ADAMTS12: variants seen among roughly 807,000 people sequenced by gnomAD.
ADAMTS12 encodes the protein A disintegrin and metalloproteinase with thrombospondin motifs 12.
In ADAMTS12, 118 loss-of-function variants were observed where a neutral mutation model predicts 167.8. That is an observed-to-expected ratio of 0.70 (90% CI 0.61 to 0.82). The LOEUF (loss-of-function observed/expected upper bound fraction) is 0.82, where lower values mean the gene tolerates loss of function less well. ADAMTS12 is among the 40% of genes least tolerant of loss of function. The probability of loss-of-function intolerance (pLI) is 0.00; values close to 1 mark genes in which losing one functional copy is unlikely to be tolerated. For missense variants in ADAMTS12, 1,916 were observed against 1,998.8 expected, an observed-to-expected ratio of 0.96 and a Z score of 0.79; for synonymous variants, 704 against 716.9, an observed-to-expected ratio of 0.98 and a Z score of 0.29.
intron 2 of ADAMTS12, among the ~76,000 whole-genome samples, chr5:33,784,250 ATAGT>A (rs1746251593): frequency 6.6e-6 from 1 of 151,894 alleles, no homozygotes; most frequent in Non-Finnish European, 1.5e-5. Context: ...AGCTAACCTC[ATAGT>A]TAATGATAAA....
At chr5:33,549,513 G>T in intron 20 of ADAMTS12, 130 bp from the exon 21 acceptor site, 1 of 1,109,964 alleles carries the variant, frequency 9.0e-7, no homozygotes. Context: ...GGTGAACCCT[G>T]CTTTCCCTCC....
intron 19 of ADAMTS12, among the ~76,000 whole-genome samples, chr5:33,566,155 T>A (rs1197468972): frequency 6.6e-6 from 1 of 152,140 alleles, no homozygotes; most frequent in Non-Finnish European, 1.5e-5. Context: ...TCAATGACAG[T>A]CAGTTCAAAT....
chr5:33,769,340 A>G (rs1745659110), intron 2 of ADAMTS12, among the ~76,000 whole-genome samples: 1 of 152,212 alleles, frequency 6.6e-6, no homozygotes, highest in Admixed American at 6.5e-5. Flanking sequence ...GCATGGTTAC[A>G]TACATCAAGT....
chr5:33,629,631 C>T (rs1264710242), intron 13 of ADAMTS12, among the ~76,000 whole-genome samples: 1 of 152,236 alleles, frequency 6.6e-6, no homozygotes, highest in African/African-American at 2.4e-5. Flanking sequence ...CACAACCTTA[C>T]ACAAAGAATA....
In ADAMTS12 at chr5:33,708,049, T is replaced by C. The variant is rs531203624; in HGVS notation, c.635-23994A>G. Among the ~76,000 whole-genome samples the C allele has an allele frequency of 4.0e-3, 612 of 152,266 alleles. 3 individuals are homozygous for C. The highest frequency in any genetic ancestry group is 0.014 in the African/African-American group (584 of 41,560). On this transcript the variant is annotated intron_variant, in intron 3 of 23. Coordinates refer to ENST00000504830, the MANE Select transcript of ADAMTS12 (RefSeq NM_030955.4). ...AGAAAATTTTTGCAATCTATCCATC[T>C]GACAAAGGGCTAATATCCAGAATCT...
chr5:33,798,057 T>G (rs988785496), intron 2 of ADAMTS12, among the ~76,000 whole-genome samples: 2 of 152,352 alleles, frequency 1.3e-5, no homozygotes, highest in South Asian at 4.1e-4. Flanking sequence ...TTCAAAGAAC[T>G]GACTATCCTT....
chr5:33,738,543 TG>T lies in ADAMTS12; in HGVS notation c.634+12860del, dbSNP rs1744447603. 7.2e-5 allele frequency among the ~76,000 whole-genome samples: 11 copies of T among 152,360 alleles called. 1 individual carries two copies. The South Asian group carries it at 2.3e-3, about 32-fold the overall frequency. ...CTTTCGGCTTTCACCTCTCATGTCA[TG>T]GGTCACCTGCCCTATCCTTTGGTTA... On this transcript the variant is annotated intron_variant, in intron 3 of 23. Transcript: ENST00000504830.
chr5:33,650,180 C>T (rs370020716), intron 7 of ADAMTS12, among the ~76,000 whole-genome samples: 3 of 152,186 alleles, frequency 2.0e-5, no homozygotes, highest in South Asian at 4.1e-4. Flanking sequence ...GGATCAATGT[C>T]TTTCTACTAT....
In ADAMTS12 at chr5:33,596,026, C is replaced by T; in HGVS notation, c.2562G>A (p.Lys854=). ...ATGTAGCTTTCACCATCCCGCGGCC[C>T]TTCTTTATGCAATGGGCAGTTTGGC... The part of the protein sequence containing the change: ...IRRQTAHCIK[K]GRGMVKATFC... Residue 854 remains lysine, a synonymous_variant, in exon 17 of 24, where the codon AAG becomes AAA. Transcript: ENST00000504830. 6.2e-7 allele frequency: 1 copy of T among 1,614,028 alleles called. No individual in the cohort carries two copies. Among genetic ancestry groups the T allele is most frequent in the Non-Finnish European group, 8.5e-7 (1 of 1,179,928 alleles).
intron 2 of ADAMTS12, among the ~76,000 whole-genome samples, chr5:33,814,779 G>A (rs138603701): frequency 2.6e-5 from 4 of 152,296 alleles, no homozygotes; most frequent in Admixed American, 6.5e-5. Flanking sequence ...CGTCAACTGC[G>A]TCAGTGACAA....
At chr5:33,610,899 T>C (rs1397041802) in intron 16 of ADAMTS12, among the ~76,000 whole-genome samples, 1 of 152,072 alleles carries the variant, frequency 6.6e-6, no homozygotes, top group Non-Finnish European at 1.5e-5. Flanking sequence ...AAACCCTGTC[T>C]CTACTAAAAA....
intron 2 of ADAMTS12, among the ~76,000 whole-genome samples, chr5:33,829,534 TCAGCC>T (rs1748217513): frequency 6.6e-6 from 1 of 152,092 alleles, no homozygotes; most frequent in Admixed American, 6.6e-5. Flanking sequence ...AACTTCAAAT[TCAGCC>T]TGGAAGTTAA....
intron 16 of ADAMTS12, among the ~76,000 whole-genome samples, chr5:33,610,871 AGCCTGGCCAAC>A (rs1181084221): frequency 6.6e-6 from 1 of 152,132 alleles, no homozygotes; most frequent in Non-Finnish European, 1.5e-5. Context: ...GTTTGAGACC[AGCCTGGCCAAC>A]ATGGTGAAAC....
At chr5:33,803,873 G>A (rs28671325) in intron 2 of ADAMTS12, among the ~76,000 whole-genome samples, 16,849 of 152,130 alleles carry the variant, frequency 0.11, 1,239 homozygotes, top group East Asian at 0.34. Flanking sequence ...TACCTCCTAT[G>A]GGATCCCTCC....
chr5:33,650,541 T>C (rs1337971140), intron 7 of ADAMTS12, among the ~76,000 whole-genome samples: 1 of 152,238 alleles, frequency 6.6e-6, no homozygotes. Flanking sequence ...AGCTTGTTAG[T>C]GGTAAAACTA....
intron 7 of ADAMTS12, among the ~76,000 whole-genome samples, chr5:33,652,999 T>C (rs779026180): frequency 1.3e-5 from 2 of 152,180 alleles, no homozygotes; most frequent in Non-Finnish European, 2.9e-5. Flanking sequence ...CTTTCCCATA[T>C]GTATGCTTTT....
chr5:33,549,432 GCCTC>G (rs752888373), intron 20 of ADAMTS12, 49 bp from the exon 21 acceptor site: 4 of 1,580,154 alleles, frequency 2.5e-6, no homozygotes, highest in Non-Finnish European at 3.5e-6. Flanking sequence ...TTGGCATCAG[GCCTC>G]CCTTCCTTCC....
At chr5:33,888,121 G>A in intron 1 of ADAMTS12, 1 of 152,146 alleles carries the variant, frequency 6.6e-6, no homozygotes, top group East Asian at 1.9e-4. Context: ...AATCTTCTCT[G>A]TATCGGTCCA....
chr5:33,820,651 A>G (rs1747836595), intron 2 of ADAMTS12, among the ~76,000 whole-genome samples: 1 of 152,194 alleles, frequency 6.6e-6, no homozygotes, highest in African/African-American at 2.4e-5. Context: ...ATATAAAAAA[A>G]AATTTGGAAA....
Sources: gnomAD v4.1 joint callset for allele counts (sites outside exome capture counted in the v4.1 genomes callset) on GRCh38, gnomAD v4.1.1 for gene constraint, MANE v1.5 for transcripts, NCBI Gene and HGNC (gene_info 2026-07-23, HGNC 2026-07-21) for gene names.